DOCK9: variants seen among roughly 807,000 people sequenced by gnomAD.
DOCK9 encodes the protein dedicator of cytokinesis 9.
In DOCK9, 89 loss-of-function variants were observed where a neutral mutation model predicts 263.3. That is an observed-to-expected ratio of 0.34 (90% CI 0.28 to 0.40). The LOEUF is 0.40. Ranked by LOEUF, DOCK9 falls within the 10% of genes least tolerant of loss-of-function variation. The pLI, the probability that DOCK9 is intolerant of heterozygous loss-of-function variation, is 1.00. For missense variants in DOCK9, 2,140 were observed against 2,603.4 expected (o/e 0.82, Z 3.87); for synonymous variants, 976 against 973.1 (o/e 1.00, Z -0.06).
intron 1 of DOCK9, among the ~76,000 whole-genome samples, chr13:98,957,987 C>T (rs2058247020): frequency 6.6e-6 from 1 of 152,194 alleles, no homozygotes; most frequent in African/African-American, 2.4e-5. Flanking sequence ...CTGGGTGCAG[C>T]CCCCTTGGCT....
intron 27 of DOCK9, among the ~76,000 whole-genome samples, chr13:98,873,473 G>T (rs1566801750): frequency 6.6e-6 from 1 of 152,194 alleles, no homozygotes; most frequent in Non-Finnish European, 1.5e-5. Flanking sequence ...CTTTTAACTA[G>T]GTTCATGGAT....
At chr13:98,926,945 A>G (rs1162731091) in intron 3 of DOCK9, among the ~76,000 whole-genome samples, 1 of 152,190 alleles carries the variant, frequency 6.6e-6, no homozygotes, top group African/African-American at 2.4e-5. Flanking sequence ...TCTGTGTCAC[A>G]GGCCATGCCT....
At chr13:98,851,983 T>C (rs1321507377) in intron 35 of DOCK9, among the ~76,000 whole-genome samples, 4 of 152,220 alleles carry the variant, frequency 2.6e-5, no homozygotes, top group Admixed American at 2.6e-4. Context: ...AAGAGGTGGT[T>C]GCATTTTAAA....
chr13:98,815,866 C>A (rs543274143), intron 45 of DOCK9, among the ~76,000 whole-genome samples: 2 of 152,300 alleles, frequency 1.3e-5, no homozygotes, highest in South Asian at 4.1e-4. Context: ...TACAATGACA[C>A]CCTGTCCTTT....
At chr13:98,997,239 ATCACTGAGCTGTGGCCCTCTG>A (rs1395277511) in intron 1 of DOCK9, among the ~76,000 whole-genome samples, 1 of 152,248 alleles carries the variant, frequency 6.6e-6, no homozygotes, top group Non-Finnish European at 1.5e-5. Context: ...ACACTGTAAA[ATCACTGAGCTGTGGCCCTCTG>A]TGGATCACCT....
At chr13:99,032,252 T>C (rs1296163893) in intron 1 of DOCK9, among the ~76,000 whole-genome samples, 4 of 152,016 alleles carry the variant, frequency 2.6e-5, no homozygotes, top group Non-Finnish European at 5.9e-5. Flanking sequence ...AGGCCGATTG[T>C]CTAAGCTCAG....
At chr13:98,824,327 C>T (rs1470013046) in intron 45 of DOCK9, 71 bp downstream of exon 45, 3 of 1,346,528 alleles carry the variant, frequency 2.2e-6, no homozygotes, top group East Asian at 4.6e-5. Flanking sequence ...TGGTCTGATG[C>T]ACTAGCAATG....
At chr13:99,047,234 A>C (rs1206575677) in intron 1 of DOCK9, among the ~76,000 whole-genome samples, 1 of 152,202 alleles carries the variant, frequency 6.6e-6, no homozygotes, top group Non-Finnish European at 1.5e-5. Context: ...TTAAAAGTAC[A>C]TATTTTTTAT....
chr13:99,066,176 G>C (rs2041407267), intron 1 of DOCK9, among the ~76,000 whole-genome samples: 2 of 152,102 alleles, frequency 1.3e-5, no homozygotes, highest in Admixed American at 1.3e-4. Flanking sequence ...CATGTTTCTT[G>C]GCACTCAAAA....
In DOCK9 at chr13:98,903,078, T is replaced by C; in HGVS notation, c.1070A>G (p.Lys357Arg). The C allele has an allele frequency of 6.5e-7, 1 of 1,532,926 alleles. No homozygotes were observed. The highest frequency in any genetic ancestry group is 1.4e-5 in the African/African-American group (1 of 71,848). The allele number at this position is 1,532,926 out of a possible 1,614,324, so 95.0% of individuals were successfully genotyped here. A position where few individuals can be genotyped will look rare whatever the true frequency, so the allele number is the denominator to read the frequency against. ...TTTTCCAAACTTCTCTTCAAATGAC[T>C]TCACTTCTGGCTCAGCTGATGAGAA... ...LDFSSAEPEV[K>R]SFEEKFGKRI... Residue 357 changes from lysine to arginine, a missense_variant, in exon 11 of 53, where the codon AAG (lysine) becomes AGG (arginine). Transcript: ENST00000682017.
chr13:99,078,630 T>C (rs2042006512), intron 1 of DOCK9, among the ~76,000 whole-genome samples: 2 of 152,174 alleles, frequency 1.3e-5, no homozygotes, highest in Non-Finnish European at 2.9e-5. Flanking sequence ...GCAGAGCCTG[T>C]GACAGATAGC....
At chr13:98,972,310 A>G (rs9557106) in intron 1 of DOCK9, among the ~76,000 whole-genome samples, 27,567 of 152,214 alleles carry the variant, frequency 0.18, 2,932 homozygotes, top group East Asian at 0.46. Context: ...TTACCTTGCT[A>G]TAAAAAAACA....
chr13:99,087,696 T>G (rs2042380057), upstream of DOCK9: 1 of 152,318 alleles, frequency 6.6e-6, no homozygotes, highest in Non-Finnish European at 1.5e-5. Context: ...CAGGCGGGGA[T>G]TTGCGCCAGG....
At chr13:98,915,248 G>C (rs1262083496) in intron 8 of DOCK9, 81 bp downstream of exon 8, 1 of 1,394,470 alleles carries the variant, frequency 7.2e-7, no homozygotes, top group Non-Finnish European at 9.8e-7. Context: ...TGTAACACAG[G>C]TCTCCTTCTT....
At chr13:98,821,298 T>A (rs1182087445) in intron 45 of DOCK9, among the ~76,000 whole-genome samples, 1 of 152,066 alleles carries the variant, frequency 6.6e-6, no homozygotes, top group African/African-American at 2.4e-5. Context: ...ACTCCTTTCC[T>A]CCCTGCGTGG....
intron 49 of DOCK9, among the ~76,000 whole-genome samples, chr13:98,803,110 T>C (rs2090302335): frequency 6.6e-6 from 1 of 152,128 alleles, no homozygotes; most frequent in African/African-American, 2.4e-5. Flanking sequence ...CGCCATTGCT[T>C]AGGCTGTCTC....
chr13:98,863,349 C>T (rs199672284), intron 31 of DOCK9, 21 bp downstream of exon 31: 7 of 1,605,092 alleles, frequency 4.4e-6, no homozygotes, highest in African/African-American at 1.3e-5. Flanking sequence ...ATGCACATTC[C>T]TTCCATTGGG....
chr13:98,979,239 G>GGCA (rs56181339), upstream of DOCK9, among the ~76,000 whole-genome samples: 1 of 117,438 alleles, frequency 8.5e-6, no homozygotes, highest in East Asian at 2.3e-4. Context: ...TAGCAGCAGC[G>GGCA]GCGGCAGCAG....
intron 1 of DOCK9, among the ~76,000 whole-genome samples, chr13:99,056,985 C>T (rs528893045): frequency 3.7e-4 from 57 of 152,308 alleles, no homozygotes; most frequent in Non-Finnish European, 7.4e-4. Flanking sequence ...GAGAGAAGGA[C>T]CAGTTTCTTG....
Sources: gnomAD v4.1 joint callset for allele counts (sites outside exome capture counted in the v4.1 genomes callset) on GRCh38, gnomAD v4.1.1 for gene constraint, MANE v1.5 for transcripts, NCBI Gene and HGNC (gene_info 2026-07-23, HGNC 2026-07-21) for gene names.